The following SLC24A2 variants were observed in gnomAD, a reference collection of about 807,000 sequenced individuals.
The protein encoded by SLC24A2 is sodium/potassium/calcium exchanger 2.
SLC24A2 carries 36 observed loss-of-function variants against 62.0 expected under a neutral mutation model. The ratio of observed to expected loss-of-function variants is 0.58; its 90% CI spans 0.44 to 0.77. SLC24A2 has a LOEUF of 0.77. Ranked by LOEUF, SLC24A2 falls within the 30% of genes least tolerant of loss-of-function variation. The pLI is 0.00. For missense variants in SLC24A2, 846 were observed against 817.9 expected (o/e 1.03, Z -0.42); for synonymous variants, 358 against 294.0 (o/e 1.22, Z -2.23).
the SLC24A2 span, among the ~76,000 whole-genome samples, chr9:20,265,079 A>G: frequency 6.6e-6 from 1 of 152,266 alleles, no homozygotes; most frequent in South Asian, 2.1e-4. Flanking sequence ...GCCTCCTGCT[A>G]AATGGCTCTG....
chr9:19,712,482 G>A (rs1238609310), intron 2 of SLC24A2, among the ~76,000 whole-genome samples: 1 of 152,142 alleles, frequency 6.6e-6, no homozygotes. Flanking sequence ...TGCCAGCAAA[G>A]CCAGCTAGTT....
At chr9:19,846,603 G>A in the SLC24A2 span, among the ~76,000 whole-genome samples, 233 of 152,186 alleles carry the variant, frequency 1.5e-3, 2 homozygotes, top group South Asian at 5.6e-3. Context: ...AGTTAATATC[G>A]ATATGTGAGG....
At chr9:20,210,360 A>G in the SLC24A2 span, among the ~76,000 whole-genome samples, 11 of 152,238 alleles carry the variant, frequency 7.2e-5, no homozygotes, top group Non-Finnish European at 1.0e-4. Context: ...CTTAAATAAT[A>G]AAATAAAATG....
At chr9:19,592,185 G>A (rs942072237) in intron 5 of SLC24A2, among the ~76,000 whole-genome samples, 1 of 152,224 alleles carries the variant, frequency 6.6e-6, no homozygotes, top group African/African-American at 2.4e-5. Flanking sequence ...CATGATTCAT[G>A]TAAGACATTA....
At chr9:19,883,677 T>C in the SLC24A2 span, among the ~76,000 whole-genome samples, 1 of 151,990 alleles carries the variant, frequency 6.6e-6, no homozygotes. Flanking sequence ...GCCATTCTCC[T>C]GCCTCGGCCT....
chr9:20,177,551 G>C, the SLC24A2 span, among the ~76,000 whole-genome samples: 1 of 152,126 alleles, frequency 6.6e-6, no homozygotes, highest in African/African-American at 2.4e-5. Context: ...CAAGTCTTGA[G>C]AGGAAGTGAG....
the SLC24A2 span, among the ~76,000 whole-genome samples, chr9:19,794,934 C>A: frequency 3.3e-5 from 5 of 152,106 alleles, no homozygotes; most frequent in African/African-American, 4.8e-5. Context: ...TAGACTCTAC[C>A]TATTTCTAGT....
the SLC24A2 span, among the ~76,000 whole-genome samples, chr9:20,278,260 A>G: frequency 1.3e-5 from 2 of 152,166 alleles, no homozygotes; most frequent in Non-Finnish European, 2.9e-5. Context: ...AAATAAAAAG[A>G]AAATGGGTTT....
chr9:20,116,949 C>T, the SLC24A2 span, among the ~76,000 whole-genome samples: 1 of 152,270 alleles, frequency 6.6e-6, no homozygotes, highest in African/African-American at 2.4e-5. Context: ...GTCTTGCAAG[C>T]ATACTAGCTT....
At chr9:19,788,662 C>T (rs1823251046) in intron 1 of SLC24A2, 1 of 985,228 alleles carries the variant, frequency 1.0e-6, no homozygotes, top group Non-Finnish European at 1.2e-6. Flanking sequence ...GCCCCACGCC[C>T]CCCATCCCAA....
At chr9:20,031,668 ACTTG>A in the SLC24A2 span, among the ~76,000 whole-genome samples, 1 of 152,038 alleles carries the variant, frequency 6.6e-6, no homozygotes, top group East Asian at 1.9e-4. Flanking sequence ...TCACTACAAA[ACTTG>A]TTATAGAACA....
At chr9:19,566,991 G>A (rs1286325272) in intron 7 of SLC24A2, among the ~76,000 whole-genome samples, 1 of 150,376 alleles carries the variant, frequency 6.6e-6, no homozygotes, top group Non-Finnish European at 1.5e-5. Context: ...GAAAGCATTA[G>A]GAGATATATC....
At chr9:20,246,827 G>C in the SLC24A2 span, among the ~76,000 whole-genome samples, 1 of 152,290 alleles carries the variant, frequency 6.6e-6, no homozygotes, top group East Asian at 1.9e-4. Context: ...GCACCCATGA[G>C]GGTTCCTTGC....
At chr9:20,189,860 C>T in the SLC24A2 span, among the ~76,000 whole-genome samples, 6,958 of 152,254 alleles carry the variant, frequency 0.046, 204 homozygotes, top group South Asian at 0.091. Context: ...AGTGACTGCA[C>T]AATTCTGCCT....
chr9:19,698,175 G>A (rs1398495456), intron 2 of SLC24A2, among the ~76,000 whole-genome samples: 2 of 152,026 alleles, frequency 1.3e-5, no homozygotes, highest in Non-Finnish European at 2.9e-5. Context: ...AATCCAAAAC[G>A]TTTTGAGCAC....
chr9:19,651,769 A>G (rs1818808350), intron 2 of SLC24A2, among the ~76,000 whole-genome samples: 2 of 152,188 alleles, frequency 1.3e-5, no homozygotes, highest in Non-Finnish European at 2.9e-5. Flanking sequence ...GGGCCCTAAA[A>G]ATTATTGGGA....
At chr9:20,244,084 T>A in the SLC24A2 span, among the ~76,000 whole-genome samples, 1 of 151,826 alleles carries the variant, frequency 6.6e-6, no homozygotes, top group Admixed American at 6.6e-5. Context: ...ATCCATGGAG[T>A]CTGGGCCACT....
At chr9:19,659,736 C>T (rs144808235) in intron 2 of SLC24A2, among the ~76,000 whole-genome samples, 11 of 152,196 alleles carry the variant, frequency 7.2e-5, no homozygotes, top group Admixed American at 3.9e-4. Flanking sequence ...ACTGGCAGAG[C>T]TGTGATGAAA....
chr9:20,134,767 T>A, the SLC24A2 span, among the ~76,000 whole-genome samples: 1 of 152,210 alleles, frequency 6.6e-6, no homozygotes, highest in African/African-American at 2.4e-5. Flanking sequence ...CAGTCTAGAA[T>A]TTATTCAGAT....
Sources: gnomAD v4.1 joint callset for allele counts (sites outside exome capture counted in the v4.1 genomes callset) on GRCh38, gnomAD v4.1.1 for gene constraint, MANE v1.5 for transcripts, NCBI Gene and HGNC (gene_info 2026-07-23, HGNC 2026-07-21) for gene names.